CAPZB: variants seen among roughly 807,000 people sequenced by gnomAD.
The protein encoded by CAPZB is F-actin-capping protein subunit beta.
CAPZB carries 2 observed loss-of-function variants against 38.1 expected under a neutral mutation model. The observed-to-expected ratio is 0.05, with a 90% CI of 0.02 to 0.17. The LOEUF (loss-of-function observed/expected upper bound fraction) is 0.17. Ranked by LOEUF, CAPZB falls within the 10% of genes least tolerant of loss-of-function variation. CAPZB has a pLI of 1.00. For synonymous variants in CAPZB, 107 were observed against 127.4 expected (o/e 0.84, Z 1.08); for missense variants, 161 against 334.2 (o/e 0.48, Z 4.04).
rs2094155422 is a variant in CAPZB at position 19,378,575 on chromosome 1, C to T, written c.294G>A (p.Val98=). 6.2e-7 allele frequency: 1 copy of T among 1,612,734 alleles called. No homozygotes were observed. The highest frequency in any genetic ancestry group is 1.1e-5 in the South Asian group (1 of 91,052). ...MPSARLRKLE[V]EANNAFDQYR... is the part of the protein sequence containing the mutation. ...ACTGGTCAAAGGCATTGTTGGCTTCCACCTCCAGCTTTCTCAGCCGAGCTG... is the reference window on the plus strand; with the variant it reads ...ACTGGTCAAAGGCATTGTTGGCTTCTACCTCCAGCTTTCTCAGCCGAGCTG... The change falls in exon 4 of 9, where the codon GTG becomes GTA. Residue 98 remains valine (V), a synonymous_variant. Coordinates refer to ENST00000264202, the MANE Select transcript of CAPZB (RefSeq NM_004930.5).
chr1:19,346,157 T>G (rs1486226531), intron 6 of CAPZB, among the ~76,000 whole-genome samples: 1 of 151,780 alleles, frequency 6.6e-6, no homozygotes, highest in Non-Finnish European at 1.5e-5. Context: ...CCTGGAAGAG[T>G]GCTAGGAACA....
intron 7 of CAPZB, among the ~76,000 whole-genome samples, chr1:19,344,770 C>A (rs962553252): frequency 4.1e-4 from 63 of 152,350 alleles, no homozygotes; most frequent in African/African-American, 1.5e-3. Flanking sequence ...CCCGAGAGCA[C>A]CTCCCTGCCT....
chr1:19,475,094 G>A (rs968050711), intron 1 of CAPZB, among the ~76,000 whole-genome samples: 6 of 152,132 alleles, frequency 3.9e-5, no homozygotes, highest in Non-Finnish European at 7.4e-5. Flanking sequence ...AACACACTAC[G>A]AGTCCATGTC....
chr1:19,398,390 T>A (rs778140004), intron 2 of CAPZB, among the ~76,000 whole-genome samples: 9 of 152,184 alleles, frequency 5.9e-5, no homozygotes, highest in Non-Finnish European at 1.2e-4. Context: ...GGCGGAGGTC[T>A]GGCTTCCTCC....
At chr1:19,341,036 C>T (rs895401092) in intron 8 of CAPZB, among the ~76,000 whole-genome samples, 9 of 152,172 alleles carry the variant, frequency 5.9e-5, no homozygotes, top group Admixed American at 3.9e-4. Context: ...AGCACCCAGA[C>T]TGAGTTCTGG....
At chr1:19,406,542 A>C (rs2094333322) in intron 2 of CAPZB, among the ~76,000 whole-genome samples, 1 of 152,132 alleles carries the variant, frequency 6.6e-6, no homozygotes, top group Non-Finnish European at 1.5e-5. Flanking sequence ...ACCTGCAGTG[A>C]CAAGGAGAAA....
At chr1:19,367,096 C>A (rs1385786847) in intron 4 of CAPZB, among the ~76,000 whole-genome samples, 2 of 152,268 alleles carry the variant, frequency 1.3e-5, no homozygotes, top group Non-Finnish European at 2.9e-5. Flanking sequence ...CTGAGCGCAT[C>A]CCCTGTCCAA....
intron 1 of CAPZB, among the ~76,000 whole-genome samples, chr1:19,447,268 T>G (rs1417618736): frequency 7.7e-6 from 1 of 130,460 alleles, no homozygotes; most frequent in African/African-American, 2.7e-5. Flanking sequence ...GCACCAGACC[T>G]AATCTTTTTT....
At chr1:19,484,507 C>A in intron 1 of CAPZB, 5 of 1,366,260 alleles carry the variant, frequency 3.7e-6, no homozygotes, top group Non-Finnish European at 4.7e-6. Flanking sequence ...GCGCTGCCTT[C>A]TGGGCACACC....
At chr1:19,416,687 T>C (rs781458701) in intron 2 of CAPZB, among the ~76,000 whole-genome samples, 3 of 151,726 alleles carry the variant, frequency 2.0e-5, no homozygotes, top group Non-Finnish European at 4.4e-5. Context: ...CCAGTCTCTA[T>C]GCAAAATAAA....
chr1:19,411,394 G>A (rs58316814), intron 2 of CAPZB, among the ~76,000 whole-genome samples: 1 of 152,096 alleles, frequency 6.6e-6, no homozygotes, highest in African/African-American at 2.4e-5. Context: ...TGATGGGAGA[G>A]CATCAATTTT....
chr1:19,416,806 A>G (rs1205272736), intron 2 of CAPZB, among the ~76,000 whole-genome samples: 1 of 133,706 alleles, frequency 7.5e-6, no homozygotes, highest in Non-Finnish European at 1.5e-5. Flanking sequence ...GGCTGCATTG[A>G]GCTTTGATTG....
At chr1:19,408,143 AGCCAAGGC>A (rs2094341383) in intron 2 of CAPZB, among the ~76,000 whole-genome samples, 2 of 152,202 alleles carry the variant, frequency 1.3e-5, no homozygotes, top group Non-Finnish European at 2.9e-5. Flanking sequence ...CCACTGTGGG[AGCCAAGGC>A]TGGGACTTGG....
chr1:19,385,398 T>C (rs1034571597), intron 3 of CAPZB, 107 bp downstream of exon 3: 6 of 1,293,588 alleles, frequency 4.6e-6, no homozygotes, highest in African/African-American at 1.5e-5. Context: ...GAAAGCTGAA[T>C]GGGCTGCCAG....
intron 1 of CAPZB, among the ~76,000 whole-genome samples, chr1:19,424,009 G>C (rs893890269): frequency 6.6e-6 from 1 of 151,766 alleles, no homozygotes; most frequent in Non-Finnish European, 1.5e-5. Context: ...ATGGGGTTTT[G>C]CTATGTTGCC....
At chr1:19,461,250 C>A (rs189571778) in intron 1 of CAPZB, among the ~76,000 whole-genome samples, 315 of 152,226 alleles carry the variant, frequency 2.1e-3, no homozygotes, top group African/African-American at 6.1e-3. Flanking sequence ...GGGGGTGGAG[C>A]CCACTTTCAG....
intron 1 of CAPZB, among the ~76,000 whole-genome samples, chr1:19,474,063 T>C (rs568281327): frequency 3.5e-4 from 54 of 152,122 alleles, no homozygotes; most frequent in East Asian, 2.1e-3. Flanking sequence ...TGATGTGATC[T>C]CGGCTCACTG....
At chr1:19,408,918 T>A (rs2094345379) in intron 2 of CAPZB, among the ~76,000 whole-genome samples, 1 of 152,214 alleles carries the variant, frequency 6.6e-6, no homozygotes, top group South Asian at 2.1e-4. Flanking sequence ...AGTTCTCTAT[T>A]TGCACAAATA....
Position 19,340,757 on chromosome 1 carries a change from A to G in CAPZB, c.732-1140T>C, listed in dbSNP as rs112451874. On this transcript the variant is annotated intron_variant, in intron 8 of 8. Transcript: ENST00000264202. ...AGATGAGGAAACTGAGGCTCAGAGG[A>G]ATGCCCCCCTAGCAATTCTTTAATC... Among the ~76,000 whole-genome samples the G allele has an allele frequency of 2.3e-4, 35 of 152,226 alleles. 1 individual carries two copies. The highest frequency in any genetic ancestry group is 7.9e-4 in the African/African-American group (33 of 41,572).
Sources: allele counts gnomAD v4.1 joint callset (sites outside exome capture counted in the v4.1 genomes callset), GRCh38; gene constraint gnomAD v4.1.1; transcripts MANE v1.5; gene names NCBI Gene and HGNC (gene_info 2026-07-23, HGNC 2026-07-21).